The following C4orf50 variants were observed in gnomAD, a reference collection of about 807,000 sequenced individuals.
The protein encoded by C4orf50 is uncharacterized protein C4orf50.
Under a neutral mutation model 77.2 loss-of-function variants are expected in C4orf50, and 80 were observed. The observed-to-expected ratio is 1.04, with a 90% CI of 0.87 to 1.25. The LOEUF (loss-of-function observed/expected upper bound fraction) is 1.25, where lower values mean the gene tolerates loss of function less well. Among genes scored for constraint, C4orf50 ranks in the 50% most tolerant of loss-of-function variants. C4orf50 has a pLI of 0.00. For synonymous variants in C4orf50, 532 were observed against 465.3 expected, an observed-to-expected ratio of 1.14 and a Z score of -1.84; for missense variants, 1,257 against 1,152.9, an observed-to-expected ratio of 1.09 and a Z score of -1.31.
intron 31 of C4orf50, among the ~76,000 whole-genome samples, chr4:5,972,471 G>C (rs1482413131): frequency 1.3e-5 from 2 of 152,180 alleles, no homozygotes; most frequent in African/African-American, 2.4e-5. Flanking sequence ...TGGGAGTCTG[G>C]GGCTCTGGAT....
chr4:5,923,862 G>C (rs1717394313), intron 7 of C4orf50, among the ~76,000 whole-genome samples: 1 of 152,216 alleles, frequency 6.6e-6, no homozygotes, highest in Admixed American at 6.5e-5. Context: ...GGGAGAGGCA[G>C]ACCTACCCTC....
intron 28 of C4orf50, among the ~76,000 whole-genome samples, chr4:5,986,383 A>T (rs1720859165): frequency 7.7e-6 from 1 of 130,594 alleles, no homozygotes; most frequent in Non-Finnish European, 1.6e-5. Context: ...AAATCAAGCA[A>T]CATATTTCTA....
In C4orf50 at chr4:5,986,983, G is replaced by A. The variant is rs563804126; in HGVS notation, c.3699+1364C>T. On this transcript the variant is annotated intron_variant, in intron 28 of 33. Transcript: ENST00000531445. ...ACAGACTTCATCTCAAAATGTGTGGGATGCTTAGAGAGAAATTTATAGCTT... is the reference window on the plus strand; with the variant it reads ...ACAGACTTCATCTCAAAATGTGTGGAATGCTTAGAGAGAAATTTATAGCTT... Among the ~76,000 whole-genome samples, 8 of 152,242 alleles carry A rather than the reference G, an allele frequency of 5.3e-5. 1 individual carries two copies. The South Asian group carries it at 1.7e-3, about 32-fold the overall frequency.
At chr4:5,956,960 C>A (rs1718995711), downstream of C4orf50, 3 of 152,328 alleles carry the variant, frequency 2.0e-5, no homozygotes, top group Admixed American at 2.0e-4. Context: ...CAAGGAGCCA[C>A]CATGTGCCCT....
At chr4:5,909,823 T>C (rs891127050) in intron 7 of C4orf50, among the ~76,000 whole-genome samples, 3 of 152,240 alleles carry the variant, frequency 2.0e-5, no homozygotes, top group African/African-American at 7.2e-5. Context: ...TGTAGATATG[T>C]GGATCTGTCT....
At chr4:5,975,979 A>G in intron 29 of C4orf50, 24 bp from the exon 8 acceptor site, 1 of 1,598,244 alleles carries the variant, frequency 6.3e-7, no homozygotes, top group Admixed American at 1.7e-5. Context: ...GACATTTTTG[A>G]CAACACTGCA....
At position 6,015,438 on chromosome 4, in the gene C4orf50, G is replaced by C. The variant is rs577234462; in HGVS notation, c.287+2707C>G. ...CGACCCCCCGAGCTTGGGCTTTTGG[G>C]ATCCAGAAATGTGAGAAAATAAGTT... On this transcript the variant is annotated intron_variant, in intron 23 of 33. Transcript: ENST00000531445. This position sits in a 1 kb window ranked among gnomAD's most constrained non-coding sequence, Gnocchi z 4.4. Among the ~76,000 whole-genome samples, 2 of 152,182 alleles carry C rather than the reference G, an allele frequency of 1.3e-5. No individual in the cohort carries two copies. The highest frequency in any genetic ancestry group is 4.8e-5 in the African/African-American group (2 of 41,518).
At chr4:5,980,018 T>G (rs569510131) in intron 29 of C4orf50, among the ~76,000 whole-genome samples, 156 bp downstream of exon 7, 4 of 152,276 alleles carry the variant, frequency 2.6e-5, no homozygotes, top group South Asian at 2.1e-4. Flanking sequence ...TTTTGTTGTT[T>G]TTTTTTTCCT....
At chr4:5,918,643 T>G (rs2108735904) in intron 7 of C4orf50, among the ~76,000 whole-genome samples, 1 of 152,350 alleles carries the variant, frequency 6.6e-6, no homozygotes, top group South Asian at 2.1e-4. Flanking sequence ...AAGTCACGTC[T>G]TAAGTGGGGC....
At chr4:5,993,617 G>A (rs939727917) in intron 26 of C4orf50, among the ~76,000 whole-genome samples, 10 of 152,092 alleles carry the variant, frequency 6.6e-5, no homozygotes, top group Non-Finnish European at 1.2e-4. Flanking sequence ...AGGAGTTCAC[G>A]ACCAGCCTGG....
chr4:5,906,228 T>C (rs540233408), intron 7 of C4orf50, among the ~76,000 whole-genome samples: 1 of 134,644 alleles, frequency 7.4e-6, no homozygotes, highest in East Asian at 2.2e-4. Flanking sequence ...TGGAGAGAAG[T>C]GGGGGGGCGG....
At chr4:5,928,530 C>G in intron 7 of C4orf50, among the ~76,000 whole-genome samples, 1 of 152,204 alleles carries the variant, frequency 6.6e-6, no homozygotes, top group East Asian at 1.9e-4. Context: ...TGTGTGCTGA[C>G]AGGGACGGGC....
In C4orf50 at chr4:6,009,816, G is replaced by T. The variant is rs570844932; in HGVS notation, c.427-1284C>A. Among the ~76,000 whole-genome samples, 1 of 152,302 alleles carries T rather than the reference G, an allele frequency of 6.6e-6. No homozygotes were observed. The highest frequency in any genetic ancestry group is 2.1e-4 in the South Asian group (1 of 4,824). ...GAGATTTAGGGTTAGAGGGTTGGGGGCTGGGTGGCAGCTGGGCCAAGGGGC... is the reference window on the plus strand; with the variant it reads ...GAGATTTAGGGTTAGAGGGTTGGGGTCTGGGTGGCAGCTGGGCCAAGGGGC... On this transcript the variant is annotated intron_variant, in intron 24 of 33. Coordinates refer to ENST00000531445, the Ensembl canonical transcript of C4orf50. The surrounding 1 kb of genome is among the most constrained non-coding windows in gnomAD (Gnocchi z 5.6).
chr4:5,927,322 A>G (rs1024810837), intron 7 of C4orf50, among the ~76,000 whole-genome samples: 2 of 151,686 alleles, frequency 1.3e-5, no homozygotes, highest in African/African-American at 4.8e-5. Flanking sequence ...CCCCACTCCA[A>G]CCACACTCAA....
chr4:5,927,881 A>G (rs886263842), intron 7 of C4orf50, among the ~76,000 whole-genome samples: 18 of 152,186 alleles, frequency 1.2e-4, no homozygotes, highest in Admixed American at 7.8e-4. Context: ...ACCTTCCCCA[A>G]ATGCACTGCC....
intron 31 of C4orf50, 136 bp from the exon 10 acceptor site, chr4:5,967,598 C>CATT: frequency 1.4e-6 from 1 of 722,124 alleles, no homozygotes; most frequent in Non-Finnish European, 2.5e-6. Flanking sequence ...ACCAACCCTG[C>CATT]CTGTGTGCAT....
chr4:6,009,395 A>G lies in C4orf50; in HGVS notation c.427-863T>C, dbSNP rs1253482861. ...GCCGGGGAGCTTCCGGAAAACAAAA[A>G]CAAACAAACTAAGAGCAAACGTGAA... On this transcript the variant is annotated intron_variant, in intron 24 of 33. Coordinates refer to ENST00000531445, the Ensembl canonical transcript of C4orf50. This position sits in a 1 kb window ranked among gnomAD's most constrained non-coding sequence, Gnocchi z 5.6. Among the ~76,000 whole-genome samples, 2 of 152,096 alleles carry G rather than the reference A, an allele frequency of 1.3e-5. No individual in the cohort carries two copies. The highest frequency in any genetic ancestry group is 4.8e-5 in the African/African-American group (2 of 41,458).
chr4:5,980,228 G>T (rs1720502454), exon 29 of C4orf50: 1 of 1,610,576 alleles, frequency 6.2e-7, no homozygotes, highest in Non-Finnish European at 8.5e-7. Flanking sequence ...ACGCCTGGTG[G>T]GCAGCGCCCT....
intron 7 of C4orf50, among the ~76,000 whole-genome samples, chr4:5,912,309 T>C (rs1400360404): frequency 6.7e-6 from 1 of 150,100 alleles, no homozygotes; most frequent in African/African-American, 2.5e-5. Context: ...GGGGAAGACA[T>C]ACATGTAAGA....
Sources: gnomAD v4.1 joint callset for allele counts (sites outside exome capture counted in the v4.1 genomes callset) on GRCh38, gnomAD v4.1.1 for gene constraint, Gnocchi (gnomAD v3.1) non-coding constraint, MANE v1.5 for transcripts, NCBI Gene and HGNC (gene_info 2026-07-23, HGNC 2026-07-21) for gene names.